ATRNL1: variants seen among roughly 807,000 people sequenced by gnomAD.
The protein encoded by ATRNL1 is attractin-like protein 1.
Under a neutral mutation model 182.7 loss-of-function variants are expected in ATRNL1, and 95 were observed. That is an observed-to-expected ratio of 0.52 (90% confidence interval 0.44 to 0.62). The LOEUF (loss-of-function observed/expected upper bound fraction) is 0.62, where lower values mean the gene tolerates loss of function less well. Among genes scored for constraint, ATRNL1 ranks in the 20% least tolerant of loss-of-function variants. The pLI is 0.00. For missense variants in ATRNL1, 1,471 were observed against 1,679.5 expected (o/e 0.88, Z 2.17); for synonymous variants, 576 against 568.3 (o/e 1.01, Z -0.19).
chr10:115,840,673 A>G (rs1555096815), intron 27 of ATRNL1, among the ~76,000 whole-genome samples: 1 of 152,090 alleles, frequency 6.6e-6, no homozygotes, highest in Non-Finnish European at 1.5e-5. Flanking sequence ...CTTCCTCTCA[A>G]TGCTTAAAAA....
chr10:115,438,458 G>A (rs1554965120), intron 21 of ATRNL1, among the ~76,000 whole-genome samples: 2 of 151,774 alleles, frequency 1.3e-5, no homozygotes, highest in Admixed American at 6.6e-5. Context: ...CTTTCAAAAT[G>A]TCTTTTTATG....
At chr10:115,189,010 TATA>T (rs1340463548) in intron 8 of ATRNL1, among the ~76,000 whole-genome samples, 1 of 152,146 alleles carries the variant, frequency 6.6e-6, no homozygotes, top group African/African-American at 2.4e-5. Flanking sequence ...ACAGTATCAA[TATA>T]ATGAGTAAAA....
intron 28 of ATRNL1, among the ~76,000 whole-genome samples, chr10:115,886,044 ATTG>A (rs1159935658): frequency 6.6e-6 from 1 of 152,186 alleles, no homozygotes; most frequent in African/African-American, 2.4e-5. Flanking sequence ...TGTCACTTTC[ATTG>A]TTGTGAGCTG....
chr10:115,121,913 G>T, intron 3 of ATRNL1, 101 bp downstream of exon 3: 1 of 523,486 alleles, frequency 1.9e-6, no homozygotes, highest in Admixed American at 3.4e-5. Flanking sequence ...TAAAGATATT[G>T]ATAGTTACAT....
chr10:115,149,261 AG>A (rs1194359332), intron 5 of ATRNL1, among the ~76,000 whole-genome samples: 4 of 152,158 alleles, frequency 2.6e-5, no homozygotes, highest in Admixed American at 2.6e-4. Context: ...CCTGGCTTCC[AG>A]GTATCCCTTT....
intron 5 of ATRNL1, among the ~76,000 whole-genome samples, chr10:115,129,849 C>T (rs1304187397): frequency 6.6e-6 from 1 of 152,108 alleles, no homozygotes; most frequent in African/African-American, 2.4e-5. Flanking sequence ...TTGGTGACTT[C>T]ACTGAATTTA....
At chr10:115,361,863 T>A (rs1369900685) in intron 19 of ATRNL1, among the ~76,000 whole-genome samples, 2 of 152,104 alleles carry the variant, frequency 1.3e-5, no homozygotes, top group African/African-American at 4.8e-5. Flanking sequence ...AAGGTTTAAA[T>A]TATTGTTTAT....
intron 26 of ATRNL1, among the ~76,000 whole-genome samples, chr10:115,630,670 T>C (rs1247167562): frequency 6.7e-6 from 1 of 148,498 alleles, no homozygotes; most frequent in Admixed American, 6.8e-5. Flanking sequence ...AAATATATAT[T>C]TACAAATTTA....
At chr10:115,799,210 C>T (rs1949733761) in intron 27 of ATRNL1, among the ~76,000 whole-genome samples, 1 of 152,252 alleles carries the variant, frequency 6.6e-6, no homozygotes, top group East Asian at 1.9e-4. Context: ...GGACTTAATA[C>T]ATGCTTGTTG....
intron 26 of ATRNL1, among the ~76,000 whole-genome samples, chr10:115,683,444 A>C (rs1412716385): frequency 1.3e-5 from 2 of 150,668 alleles, no homozygotes; most frequent in East Asian, 4.0e-4. Flanking sequence ...TTCTATACCT[A>C]GAGAGTTTTT....
Position 115,160,146 on chromosome 10 carries a change from A to G in ATRNL1, c.936A>G (p.Leu312=). ...SVGRASHKAV[L]HGKFMWVIGG... ...GTCGGGCTTCACATAAAGCAGTTTT[A>G]CACGGGAAATTTATGTGGGTGATTG... The change falls in exon 6 of 29, where the codon TTA becomes TTG. Residue 312 remains leucine (L), a synonymous_variant. Coordinates refer to ENST00000355044, the MANE Select transcript of ATRNL1 (RefSeq NM_207303.4). 2 of 1,612,848 alleles carry G rather than the reference A, an allele frequency of 1.2e-6. No individual in the cohort carries two copies. Among genetic ancestry groups the G allele is most frequent in the Non-Finnish European group, 1.7e-6 (2 of 1,179,236 alleles).
intron 15 of ATRNL1, among the ~76,000 whole-genome samples, chr10:115,287,800 T>G (rs1554919503): frequency 6.6e-6 from 1 of 152,100 alleles, no homozygotes; most frequent in African/African-American, 2.4e-5. Context: ...ACATTAGAAC[T>G]TATTCATCTT....
intron 28 of ATRNL1, among the ~76,000 whole-genome samples, chr10:115,938,264 T>G (rs1953621931): frequency 6.6e-6 from 1 of 152,218 alleles, no homozygotes; most frequent in Non-Finnish European, 1.5e-5. Flanking sequence ...CCATTTCACT[T>G]CCATTAGGGA....
intron 23 of ATRNL1, among the ~76,000 whole-genome samples, 200 bp from the exon 24 acceptor site, chr10:115,468,972 G>T (rs557467646): frequency 6.6e-6 from 1 of 150,616 alleles, no homozygotes; most frequent in African/African-American, 2.4e-5. Context: ...TTAATCAGTG[G>T]TAGCATTTTT....
At chr10:115,809,374 AATGAG>A (rs1555086406) in intron 27 of ATRNL1, among the ~76,000 whole-genome samples, 1 of 152,096 alleles carries the variant, frequency 6.6e-6, no homozygotes, top group Admixed American at 6.6e-5. Flanking sequence ...TCAGATTATG[AATGAG>A]ATTGGGTTGA....
chr10:115,546,232 A>T (rs1852645045), intron 25 of ATRNL1, among the ~76,000 whole-genome samples: 1 of 152,118 alleles, frequency 6.6e-6, no homozygotes, highest in African/African-American at 2.4e-5. Context: ...ATGAACCCTT[A>T]GATCATATCT....
intron 26 of ATRNL1, among the ~76,000 whole-genome samples, chr10:115,589,844 A>G (rs765725341): frequency 6.6e-6 from 1 of 152,208 alleles, no homozygotes; most frequent in Non-Finnish European, 1.5e-5. Context: ...CACAAGAAAG[A>G]TCAGGAGCCC....
At chr10:115,276,880 A>G (rs1054634932) in intron 13 of ATRNL1, among the ~76,000 whole-genome samples, 1 of 152,132 alleles carries the variant, frequency 6.6e-6, no homozygotes, top group Non-Finnish European at 1.5e-5. Context: ...CTTGTTTAGT[A>G]TCAATAAATG....
intron 13 of ATRNL1, among the ~76,000 whole-genome samples, chr10:115,270,794 A>T (rs144962976): frequency 1.3e-5 from 2 of 152,236 alleles, no homozygotes; most frequent in African/African-American, 4.8e-5. Context: ...CATATCCAGA[A>T]ATAATGCTTA....
Sources: gnomAD v4.1 joint callset for allele counts (sites outside exome capture counted in the v4.1 genomes callset) on GRCh38, gnomAD v4.1.1 for gene constraint, MANE v1.5 for transcripts, NCBI Gene and HGNC (gene_info 2026-07-23, HGNC 2026-07-21) for gene names.